The following PGM1 variants were observed in gnomAD, a reference collection of about 807,000 sequenced individuals.
PGM1 encodes the protein phosphoglucomutase 1, also known as phosphoglucomutase-1.
A neutral mutation model predicts 55.6 loss-of-function variants in PGM1; 52 were observed. That is an observed-to-expected ratio of 0.94 (90% CI 0.75 to 1.18). PGM1 has a LOEUF of 1.18. Among genes scored for constraint, PGM1 ranks in the 50% most tolerant of loss-of-function variants. The pLI is 0.00. For synonymous variants in PGM1, 287 were observed against 271.7 expected (o/e 1.06, Z -0.55); for missense variants, 724 against 729.3 (o/e 0.99, Z 0.08).
chr1:63,634,855 C>T lies in PGM1; in HGVS notation c.709C>T (p.Leu237Phe). The T allele has an allele frequency of 1.9e-6, 3 of 1,613,502 alleles. No individual in the cohort carries two copies. The highest frequency in any genetic ancestry group is 2.5e-6 in the Non-Finnish European group (3 of 1,179,956). Reference sequence around the variant, plus strand: ...TGTGGGACCGTATGTAAAGAAGATCCTCTGTGAAGAACTCGGTGCCCCTGC... The same window carrying T: ...TGTGGGACCGTATGTAAAGAAGATCTTCTGTGAAGAACTCGGTGCCCCTGC... ...GVVGPYVKKILCEELGAPANS... is the reference protein window; with the variant it reads ...GVVGPYVKKIFCEELGAPANS... Residue 237 changes from leucine (L) to phenylalanine (F), a missense_variant, in exon 5 of 11, where the codon CTC (leucine) becomes TTC (phenylalanine). Physicochemically the swap from Leu to Phe is conservative, Grantham distance 22. Around this residue, in one of 3 missense-constraint regions of PGM1, gnomAD observed 379 missense variants for 357.5 expected, o/e 1.06. Transcript: ENST00000371084.
At position 63,598,040 on chromosome 1, in the gene PGM1, G is replaced by A. The variant is rs551273518; in HGVS notation, c.246+4306G>A. Among the ~76,000 whole-genome samples the A allele has an allele frequency of 2.0e-5, 3 of 152,252 alleles. No homozygotes were observed. The East Asian group carries it at 5.8e-4, about 29-fold the overall frequency. Reference sequence around the variant, plus strand: ...ACTGCAGCACAGTAGCGCGATCGTGGCTTACTGCAGCCTCAGTCTCCCCAG... The same window carrying A: ...ACTGCAGCACAGTAGCGCGATCGTGACTTACTGCAGCCTCAGTCTCCCCAG... On this transcript the variant is annotated intron_variant, in intron 1 of 10. Transcript: ENST00000371084.
chr1:63,651,783 T>A lies in PGM1; in HGVS notation c.1395T>A (p.Val465=), dbSNP rs1185237130. 6.2e-7 allele frequency: 1 copy of A among 1,613,916 alleles called. No homozygotes were observed. Among genetic ancestry groups the A allele is most frequent in the South Asian group, 1.1e-5 (1 of 91,070 alleles). The change falls in exon 9 of 11, where the codon GTT becomes GTA. Residue 465 remains valine, a synonymous_variant. Transcript: ENST00000371084. ...VGKQFSANDK[V]YTVEKADNFE... ...AGCAGTTCTCAGCAAATGACAAAGTTTACACTGTGGAGAAGGCCGATAACT... is the reference window on the plus strand; with the variant it reads ...AGCAGTTCTCAGCAAATGACAAAGTATACACTGTGGAGAAGGCCGATAACT...
chr1:63,603,809 G>A (rs188407361), intron 1 of PGM1, among the ~76,000 whole-genome samples: 61 of 152,308 alleles, frequency 4.0e-4, no homozygotes, highest in African/African-American at 1.4e-3. Context: ...AGCACGTGGG[G>A]ACTAAGACTG....
chr1:63,599,497 TTA>T (rs1648173730), intron 1 of PGM1, among the ~76,000 whole-genome samples: 1 of 89,198 alleles, frequency 1.1e-5, no homozygotes, highest in Non-Finnish European at 2.0e-5. Context: ...AACCCCCACT[TTA>T]AAAAAAAAAA....
chr1:63,656,580 G>A (rs1649973395), intron 10 of PGM1, among the ~76,000 whole-genome samples: 1 of 144,366 alleles, frequency 6.9e-6, no homozygotes, highest in South Asian at 2.1e-4. Flanking sequence ...TGGTGTGTGT[G>A]TGTGTGTGTG....
chr1:63,637,161 C>G (rs960687695), intron 6 of PGM1, among the ~76,000 whole-genome samples: 3 of 152,168 alleles, frequency 2.0e-5, no homozygotes, highest in African/African-American at 7.2e-5. Flanking sequence ...TAATATATCT[C>G]TAGGCTCTTA....
At chr1:63,629,806 G>GA (rs35089660) in intron 2 of PGM1, 136 bp from the exon 3 acceptor site, 8 of 1,137,740 alleles carry the variant, frequency 7.0e-6, no homozygotes, top group Admixed American at 1.8e-5. Flanking sequence ...TTTTCTTTTA[G>GA]AAAAATCCTG....
In PGM1 at chr1:63,636,406, C is replaced by T. The variant is rs374498498; in HGVS notation, c.1028+18C>T. The T allele has an allele frequency of 6.8e-6, 11 of 1,613,034 alleles. No individual in the cohort carries two copies. The African/African-American group carries it at 1.2e-4, about 18-fold the overall frequency. The stretch of plus-strand genomic sequence containing the variant: ...CTGGACCGGTAGGTGTCTCCATTCC[C>T]TTGGCCTTCCTGTCTTAGGTCGTCC... On this transcript the variant is annotated intron_variant, in intron 6 of 10. Transcript: ENST00000371084.
chr1:63,636,143 G>C, intron 5 of PGM1, 91 bp from the exon 6 acceptor site: 1 of 1,274,836 alleles, frequency 7.8e-7, no homozygotes, highest in Non-Finnish European at 1.1e-6. Flanking sequence ...AAATTTTATA[G>C]TTTTACATTT....
rs146973272 is a variant in PGM1, at chr1:63,621,068, A to G, written c.247-8357A>G. Among the ~76,000 whole-genome samples, 670 of 152,126 alleles carry G rather than the reference A, an allele frequency of 4.4e-3. 3 individuals carry two copies. Among genetic ancestry groups the G allele is most frequent in the Non-Finnish European group, 6.6e-3 (447 of 68,002 alleles). On this transcript the variant is annotated intron_variant, in intron 1 of 10. Transcript: ENST00000371084. ...ATCTAACATTGCTGCTTCTGGTAATATTTTTATATGGGGTTGAGTTCTATA... is the reference window on the plus strand; with the variant it reads ...ATCTAACATTGCTGCTTCTGGTAATGTTTTTATATGGGGTTGAGTTCTATA...
intron 1 of PGM1, among the ~76,000 whole-genome samples, chr1:63,627,053 A>ACC (rs56944675): frequency 7.0e-4 from 65 of 93,178 alleles, no homozygotes; most frequent in East Asian, 1.3e-3. Context: ...ATATGGCAGG[A>ACC]CCCCCCCCCC....
At position 63,635,029 on chromosome 1, in the gene PGM1, A is replaced by G. The variant is rs753867344; in HGVS notation, c.873+10A>G. On this transcript the variant is annotated intron_variant, in intron 5 of 10. Coordinates refer to ENST00000371084, the MANE Select transcript of PGM1 (RefSeq NM_002633.3). ...CTTTGATGGAGATGGGGTGGGTATA[A>G]GTGCATTTAAGTGAACTCTGGTGCA... The G allele has an allele frequency of 5.6e-6, 9 of 1,610,746 alleles. No individual in the cohort carries two copies. The Admixed American group carries it at 1.2e-4, about 21-fold the overall frequency.
chr1:63,651,469 G>A, intron 8 of PGM1, 200 bp from the exon 9 acceptor site: 1 of 578,932 alleles, frequency 1.7e-6, no homozygotes, highest in Non-Finnish European at 3.1e-6. Context: ...ACCCTTCCCT[G>A]AAATCCTCCA....
rs886046481 is a variant in PGM1 at position 63,634,929 on chromosome 1, C to T, written c.783C>T (p.His261=). The change falls in exon 5 of 11, where the codon CAC becomes CAT. Residue 261 remains histidine, a synonymous_variant. Coordinates refer to ENST00000371084, the MANE Select transcript of PGM1 (RefSeq NM_002633.3). ...CTCTGGAGGACTTTGGAGGCCACCACCCTGACCCCAACCTCACCTATGCAG... is the reference window on the plus strand; with the variant it reads ...CTCTGGAGGACTTTGGAGGCCACCATCCTGACCCCAACCTCACCTATGCAG... ...CVPLEDFGGH[H]PDPNLTYAAD... The T allele has an allele frequency of 3.1e-6, 5 of 1,613,898 alleles. No individual in the cohort carries two copies. Among genetic ancestry groups the T allele is most frequent in the Non-Finnish European group, 4.2e-6 (5 of 1,179,998 alleles).
At chr1:63,611,633 A>G (rs966233969) in intron 1 of PGM1, among the ~76,000 whole-genome samples, 16 of 152,300 alleles carry the variant, frequency 1.1e-4, no homozygotes, top group African/African-American at 3.4e-4. Context: ...GGCCGGGCGC[A>G]GTGGCTCTCA....
intron 1 of PGM1, among the ~76,000 whole-genome samples, chr1:63,606,762 T>G (rs1648430276): frequency 6.6e-6 from 1 of 152,212 alleles, no homozygotes; most frequent in African/African-American, 2.4e-5. Context: ...ACCAATAGTT[T>G]ATACTGTCCT....
intron 1 of PGM1, among the ~76,000 whole-genome samples, chr1:63,594,634 A>G (rs1020988847): frequency 3.3e-5 from 5 of 151,854 alleles, no homozygotes; most frequent in East Asian, 1.9e-4. Flanking sequence ...AAAGTTTTTC[A>G]GTAAATCTGA....
At chr1:63,623,839 G>A in intron 1 of PGM1, 1 of 958,844 alleles carries the variant, frequency 1.0e-6, no homozygotes, top group East Asian at 2.5e-5. Context: ...AACGTACAAG[G>A]ATTTATATGT....
intron 9 of PGM1, among the ~76,000 whole-genome samples, chr1:63,652,056 T>C (rs1649824886): frequency 6.6e-6 from 1 of 152,174 alleles, no homozygotes; most frequent in South Asian, 2.1e-4. Context: ...CCTTGTTCTG[T>C]GCACTGTCCA....
Sources: gnomAD v4.1 joint callset for allele counts (sites outside exome capture counted in the v4.1 genomes callset) on GRCh38, gnomAD v4.1.1 for gene constraint, gnomAD v4.1.1 regional missense constraint, MANE v1.5 for transcripts, NCBI Gene and HGNC (gene_info 2026-07-23, HGNC 2026-07-21) for gene names.